ADGRL4: variants seen among roughly 807,000 people sequenced by gnomAD.
ADGRL4 encodes the protein adhesion G protein-coupled receptor L4, also known as EGF, latrophilin and seven transmembrane domain containing 1.
A neutral mutation model predicts 74.8 loss-of-function variants in ADGRL4; 90 were observed. That is an observed-to-expected ratio of 1.20 (90% CI 1.02 to 1.43). The LOEUF is 1.43. Among genes scored for constraint, ADGRL4 ranks in the 40% most tolerant of loss-of-function variants. The pLI is 0.00. For synonymous variants in ADGRL4, 311 were observed against 279.2 expected (o/e 1.11, Z -1.14); for missense variants, 881 against 814.3 (o/e 1.08, Z -1.00).
At chr1:78,897,614 C>T (rs1392705754) in intron 12 of ADGRL4, among the ~76,000 whole-genome samples, 1 of 152,098 alleles carries the variant, frequency 6.6e-6, no homozygotes, top group African/African-American at 2.4e-5. Context: ...ATGCCATTAA[C>T]AACAGTCATA....
chr1:78,953,905 T>C (rs1364763128), intron 2 of ADGRL4, among the ~76,000 whole-genome samples: 1 of 152,156 alleles, frequency 6.6e-6, no homozygotes, highest in Non-Finnish European at 1.5e-5. Flanking sequence ...TCCCTGCACG[T>C]TGGGAGGCCA....
intron 2 of ADGRL4, among the ~76,000 whole-genome samples, chr1:78,998,363 T>A (rs893586381): frequency 6.8e-5 from 1 of 14,638 alleles, no homozygotes; most frequent in East Asian, 4.2e-3. Context: ...CCACTGATTC[T>A]TTTTTTTTTT....
intron 13 of ADGRL4, 127 bp from the exon 14 acceptor site, chr1:78,891,819 T>C (rs1452454002): frequency 6.7e-6 from 5 of 741,226 alleles, no homozygotes; most frequent in Non-Finnish European, 8.3e-6. Flanking sequence ...ATAGACCCAA[T>C]AGAATTTCCA....
At chr1:78,951,665 C>CA (rs1649725679) in intron 2 of ADGRL4, among the ~76,000 whole-genome samples, 1 of 152,046 alleles carries the variant, frequency 6.6e-6, no homozygotes. Flanking sequence ...TTAGTTGTTG[C>CA]AAAAATGCAA....
chr1:78,953,110 G>A (rs1301021987), intron 2 of ADGRL4, among the ~76,000 whole-genome samples: 1 of 152,090 alleles, frequency 6.6e-6, no homozygotes, highest in Non-Finnish European at 1.5e-5. Context: ...TAAATGAAAT[G>A]AAACAATCTT....
At chr1:78,972,481 A>G (rs549110480) in intron 2 of ADGRL4, among the ~76,000 whole-genome samples, 3 of 152,224 alleles carry the variant, frequency 2.0e-5, no homozygotes, top group Non-Finnish European at 4.4e-5. Context: ...AGTCTCTTCC[A>G]TAAAATATAA....
chr1:78,997,027 C>T (rs1411312801), intron 2 of ADGRL4, among the ~76,000 whole-genome samples: 2 of 152,046 alleles, frequency 1.3e-5, no homozygotes, highest in South Asian at 2.1e-4. Flanking sequence ...GTATGGACTC[C>T]ATTACTGCAT....
At chr1:78,994,494 G>T (rs1438824662) in intron 2 of ADGRL4, among the ~76,000 whole-genome samples, 2 of 152,068 alleles carry the variant, frequency 1.3e-5, no homozygotes, top group African/African-American at 2.4e-5. Flanking sequence ...TAAAAAATAA[G>T]AACTAGCCAT....
chr1:78,923,981 G>A (rs1231192635), intron 8 of ADGRL4, among the ~76,000 whole-genome samples: 3 of 151,502 alleles, frequency 2.0e-5, no homozygotes, highest in Admixed American at 6.6e-5. Flanking sequence ...CTCACAAAAT[G>A]TTTACTGCAA....
intron 2 of ADGRL4, among the ~76,000 whole-genome samples, chr1:78,962,337 C>T (rs956475055): frequency 1.3e-5 from 2 of 152,154 alleles, no homozygotes; most frequent in African/African-American, 4.8e-5. Context: ...TATGATTTCT[C>T]TCTGCAATCT....
rs141521901 is a variant in ADGRL4, at chr1:78,904,320, A to G, written c.1750-11131T>C. 4.0e-3 allele frequency among the ~76,000 whole-genome samples: 612 copies of G among 152,148 alleles called. 3 individuals carry two copies. The highest frequency in any genetic ancestry group is 0.014 in the African/African-American group (582 of 41,574). Reference sequence around the variant, plus strand: ...TAAACCAAGTATTGAACTTAGATCTATACCTTTGAATTGCTGCATTTAAAG... The same window carrying G: ...TAAACCAAGTATTGAACTTAGATCTGTACCTTTGAATTGCTGCATTTAAAG... On this transcript the variant is annotated intron_variant, in intron 12 of 14. Transcript: ENST00000370742.
At chr1:78,906,442 T>C (rs1648637405) in intron 12 of ADGRL4, among the ~76,000 whole-genome samples, 1 of 151,904 alleles carries the variant, frequency 6.6e-6, no homozygotes, top group African/African-American at 2.4e-5. Flanking sequence ...CCATGAAGGA[T>C]AAAGTGACCC....
intron 12 of ADGRL4, 33 bp from the exon 13 acceptor site, chr1:78,893,222 G>T: frequency 7.5e-7 from 1 of 1,339,734 alleles, no homozygotes; most frequent in Admixed American, 1.9e-5. Context: ...AGAAGAGATA[G>T]TTTTCATCTT....
At chr1:78,943,917 G>C (rs1649541695) in intron 3 of ADGRL4, among the ~76,000 whole-genome samples, 1 of 152,146 alleles carries the variant, frequency 6.6e-6, no homozygotes, top group Non-Finnish European at 1.5e-5. Flanking sequence ...AATAAGGTTA[G>C]TGCCTTTACT....
At chr1:78,978,667 A>G (rs147481206) in intron 2 of ADGRL4, among the ~76,000 whole-genome samples, 2,369 of 151,960 alleles carry the variant, frequency 0.016, 63 homozygotes, top group African/African-American at 0.055. Flanking sequence ...GTACTTTCCC[A>G]TTGTTGAAAT....
chr1:78,891,045 T>G lies in ADGRL4; in HGVS notation c.*109A>C. 3 of 1,085,094 alleles carry G rather than the reference T, an allele frequency of 2.8e-6. No homozygotes were observed. The highest frequency in any genetic ancestry group is 2.8e-6 in the Non-Finnish European group (2 of 706,436). 67.2% of individuals were successfully genotyped at this position (1,085,094 alleles called of 1,614,324 possible). Reference sequence around the variant, plus strand: ...AAAAACTGATTTAAAATACTTTTTGTCTAGTAGTTAATAATTGGATAATTT... The same window carrying G: ...AAAAACTGATTTAAAATACTTTTTGGCTAGTAGTTAATAATTGGATAATTT... On this transcript the variant is annotated 3_prime_UTR_variant, in exon 15 of 15. Transcript: ENST00000370742.
At chr1:78,981,184 A>G (rs542024112) in intron 2 of ADGRL4, among the ~76,000 whole-genome samples, 1 of 151,952 alleles carries the variant, frequency 6.6e-6, no homozygotes, top group Non-Finnish European at 1.5e-5. Context: ...TCATATTGTT[A>G]TGCAAACTCC....
intron 2 of ADGRL4, among the ~76,000 whole-genome samples, chr1:78,958,410 A>G (rs1406157626): frequency 1.3e-5 from 2 of 152,194 alleles, no homozygotes; most frequent in Non-Finnish European, 2.9e-5. Context: ...ACATTTGTGA[A>G]TCATGGGAGG....
In ADGRL4 at chr1:78,959,181, T is replaced by A. The variant is rs138184692; in HGVS notation, c.173-12755A>T. Among the ~76,000 whole-genome samples, 246 of 152,336 alleles carry A rather than the reference T, an allele frequency of 1.6e-3. 1 individual carries two copies. Among genetic ancestry groups the A allele is most frequent in the African/African-American group, 5.7e-3 (237 of 41,588 alleles). ...TATTGTGATACTCGCTTTATGGCAC[T>A]AGTCAGAACCAAATTTACAATATCT... is the stretch of plus-strand genomic sequence containing the variant. On this transcript the variant is annotated intron_variant, in intron 2 of 14. Coordinates refer to ENST00000370742, the MANE Select transcript of ADGRL4 (RefSeq NM_022159.4).
Sources: allele counts gnomAD v4.1 joint callset (sites outside exome capture counted in the v4.1 genomes callset), GRCh38; gene constraint gnomAD v4.1.1; transcripts MANE v1.5; gene names NCBI Gene and HGNC (gene_info 2026-07-23, HGNC 2026-07-21).